The following KLF13 variants were observed in gnomAD, a reference collection of about 807,000 sequenced individuals.
The protein encoded by KLF13 is Krueppel-like factor 13.
In KLF13, 8 loss-of-function variants were observed where a neutral mutation model predicts 16.7. That is an observed-to-expected ratio of 0.48 (90% CI 0.28 to 0.87). KLF13 has a LOEUF of 0.87. Ranked by LOEUF, KLF13 falls within the 40% of genes least tolerant of loss-of-function variation. The pLI, the probability that KLF13 is intolerant of heterozygous loss-of-function variation, is 0.10. For synonymous variants in KLF13, 245 were observed against 208.4 expected (o/e 1.18, Z -1.51); for missense variants, 447 against 452.2 (o/e 0.99, Z 0.10).
intron 1 of KLF13, among the ~76,000 whole-genome samples, chr15:31,384,608 C>A (rs1280028661): frequency 6.6e-6 from 1 of 152,174 alleles, no homozygotes; most frequent in Non-Finnish European, 1.5e-5. Context: ...TAAGAGCTTG[C>A]CAAAGGTAAG....
chr15:31,417,833 A>G (rs2040272918), intron 1 of KLF13, among the ~76,000 whole-genome samples: 1 of 152,200 alleles, frequency 6.6e-6, no homozygotes, highest in Non-Finnish European at 1.5e-5. Flanking sequence ...GGCATGAGCC[A>G]CTGCGCCCGG....
intron 1 of KLF13, among the ~76,000 whole-genome samples, chr15:31,431,917 G>A (rs959385792): frequency 6.6e-6 from 1 of 152,116 alleles, no homozygotes; most frequent in Admixed American, 6.5e-5. Context: ...CTAAAGCAAC[G>A]GAAGGAAGGA....
At chr15:31,358,186 C>T (rs939715745) in intron 1 of KLF13, among the ~76,000 whole-genome samples, 1 of 152,226 alleles carries the variant, frequency 6.6e-6, no homozygotes, top group African/African-American at 2.4e-5. Context: ...GCCAGAGATA[C>T]ATCCAGCAAT....
At chr15:31,333,064 G>C (rs947885977) in intron 1 of KLF13, among the ~76,000 whole-genome samples, 1 of 152,204 alleles carries the variant, frequency 6.6e-6, no homozygotes, top group Non-Finnish European at 1.5e-5. Flanking sequence ...AAAACTTCTA[G>C]AATAGTACAC....
chr15:31,340,563 A>C (rs1276913509), intron 1 of KLF13, among the ~76,000 whole-genome samples: 1 of 152,116 alleles, frequency 6.6e-6, no homozygotes, highest in Non-Finnish European at 1.5e-5. Context: ...GCAGAATTTG[A>C]TTTTTTTTCC....
chr15:31,433,365 C>T (rs923595177), intron 1 of KLF13, among the ~76,000 whole-genome samples: 1 of 152,122 alleles, frequency 6.6e-6, no homozygotes, highest in Non-Finnish European at 1.5e-5. Flanking sequence ...CGAGGAGTCC[C>T]TTTGCAGATG....
intron 1 of KLF13, among the ~76,000 whole-genome samples, chr15:31,419,454 A>T (rs904839736): frequency 6.6e-6 from 1 of 152,208 alleles, no homozygotes; most frequent in Non-Finnish European, 1.5e-5. Context: ...TGACAATATG[A>T]TCAAAGAGAC....
upstream of KLF13, among the ~76,000 whole-genome samples, chr15:31,392,468 C>G (rs138620631): frequency 5.3e-5 from 8 of 152,284 alleles, no homozygotes; most frequent in Non-Finnish European, 1.2e-4. Context: ...GCTCTCCCAG[C>G]TCTCACCCGC....
chr15:31,388,139 G>A (rs1307790458), upstream of KLF13, among the ~76,000 whole-genome samples: 2 of 152,180 alleles, frequency 1.3e-5, no homozygotes, highest in Non-Finnish European at 2.9e-5. Flanking sequence ...TGATGGGCCT[G>A]GGTGGTTATT....
chr15:31,381,171 C>CAAAAAAAAA (rs398043115), downstream of KLF13, among the ~76,000 whole-genome samples: 4 of 121,478 alleles, frequency 3.3e-5, no homozygotes, highest in Admixed American at 2.6e-4. Context: ...GACTCTGTCT[C>CAAAAAAAAA]AAAAAAAAAA....
chr15:31,425,833 C>T (rs955794392), intron 1 of KLF13, among the ~76,000 whole-genome samples: 16 of 152,108 alleles, frequency 1.1e-4, no homozygotes, highest in South Asian at 2.1e-4. Context: ...GCTGAGATCG[C>T]GCCACTGCAC....
rs71110875 is a variant in KLF13 at position 31,424,875 on chromosome 15, T to TCACACACACACACACACACACACA, written n.118-10488_118-10465dup. On this transcript the variant is annotated intron_variant and non_coding_transcript_variant, in intron 1 of 1. Transcript: ENST00000558225. ...TTATATGTAGAAAATTCTAGAGATT[T>TCACACACACACACACACACACACA]CACACACACACACACACACACACAC... 3.3e-3 allele frequency among the ~76,000 whole-genome samples: 476 copies of TCACACACACACACACACACACACA among 146,280 alleles called. 3 individuals carry two copies. The highest frequency in any genetic ancestry group is 0.012 in the African/African-American group (462 of 39,206).
rs1055686 is a variant in KLF13 at position 31,372,208 on chromosome 15, G to A, written c.776G>A (p.Arg259Gln). Residue 259 changes from arginine to glutamine, a missense_variant, in exon 2 of 2, where the codon CGG becomes CAG. Around this residue, in one of 2 missense-constraint regions of KLF13, gnomAD observed 88 missense variants for 169.5 expected, o/e 0.52. Coordinates refer to ENST00000307145, the MANE Select transcript of KLF13 (RefSeq NM_015995.4). ...AACTTCCACCCGGGAATGCTGCAGCGGCGCGGCGGGGGCTCGCGGACCGGC... is the reference window on the plus strand; with the variant it reads ...AACTTCCACCCGGGAATGCTGCAGCAGCGCGGCGGGGGCTCGCGGACCGGC... ...HANFHPGMLQ[R>Q]RGGGSRTGSL... 9.4e-6 allele frequency: 15 copies of A among 1,604,028 alleles called. No individual in the cohort carries two copies. Among genetic ancestry groups the A allele is most frequent in the Non-Finnish European group, 1.1e-5 (13 of 1,176,688 alleles).
intron 1 of KLF13, among the ~76,000 whole-genome samples, chr15:31,349,403 G>C (rs2039180846): frequency 6.6e-6 from 1 of 152,242 alleles, no homozygotes; most frequent in South Asian, 2.1e-4. Flanking sequence ...CGGGTGCCCT[G>C]TCAGGCAGTA....
intron 1 of KLF13, among the ~76,000 whole-genome samples, chr15:31,328,606 G>A (rs2038765675): frequency 6.6e-6 from 1 of 151,922 alleles, no homozygotes; most frequent in African/African-American, 2.4e-5. Flanking sequence ...GCCGGTGCGG[G>A]GCGGGCGGCA....
chr15:31,413,149 C>CAATG (rs2040214042), intron 1 of KLF13, among the ~76,000 whole-genome samples: 1 of 122,388 alleles, frequency 8.2e-6, no homozygotes, highest in African/African-American at 3.1e-5. Flanking sequence ...ACAGTCAGCT[C>CAATG]ATTATTCAAG....
At chr15:31,345,600 C>T (rs1408965566) in intron 1 of KLF13, among the ~76,000 whole-genome samples, 1 of 152,192 alleles carries the variant, frequency 6.6e-6, no homozygotes, top group Non-Finnish European at 1.5e-5. Context: ...CGGAGAAAGC[C>T]CGGGAGGTGT....
At chr15:31,378,709 TC>T (rs1185661478), downstream of KLF13, among the ~76,000 whole-genome samples, 1 of 152,174 alleles carries the variant, frequency 6.6e-6, no homozygotes, top group Non-Finnish European at 1.5e-5. Context: ...CTGTTCTTTT[TC>T]TTTTTTTTGA....
intron 1 of KLF13, among the ~76,000 whole-genome samples, chr15:31,383,720 G>A (rs986894137): frequency 6.6e-6 from 1 of 152,146 alleles, no homozygotes; most frequent in African/African-American, 2.4e-5. Context: ...CTAACACGGT[G>A]AAACCCCGTT....
Sources: allele counts gnomAD v4.1 joint callset (sites outside exome capture counted in the v4.1 genomes callset), GRCh38; gene constraint gnomAD v4.1.1; regional missense constraint gnomAD v4.1.1; transcripts MANE v1.5; gene names NCBI Gene and HGNC (gene_info 2026-07-23, HGNC 2026-07-21).